DOK6: variants seen among roughly 807,000 people sequenced by gnomAD.
DOK6 encodes downstream of tyrosine kinase 6.
DOK6 carries 22 observed loss-of-function variants against 44.0 expected under a neutral mutation model. That is an observed-to-expected ratio of 0.50 (90% confidence interval 0.36 to 0.71). The LOEUF is 0.71. Ranked by LOEUF, DOK6 falls within the 30% of genes least tolerant of loss-of-function variation. The pLI is 0.00. For synonymous variants in DOK6, 166 were observed against 145.5 expected (o/e 1.14, Z -1.01); for missense variants, 340 against 416.4 (o/e 0.82, Z 1.60).
At chr18:69,697,107 G>C (rs915223979) in intron 4 of DOK6, among the ~76,000 whole-genome samples, 15 of 150,948 alleles carry the variant, frequency 9.9e-5, no homozygotes, top group Non-Finnish European at 2.2e-4. Flanking sequence ...AAGCTATCAT[G>C]GTTATGTTAA....
chr18:69,409,929 C>T (rs771341310), intron 1 of DOK6, among the ~76,000 whole-genome samples: 6 of 152,136 alleles, frequency 3.9e-5, no homozygotes, highest in South Asian at 2.1e-4. Context: ...TTTTAAAGAC[C>T]GTAGGGTAGT....
At chr18:69,502,744 T>C (rs1981079483) in intron 1 of DOK6, among the ~76,000 whole-genome samples, 1 of 152,098 alleles carries the variant, frequency 6.6e-6, no homozygotes, top group African/African-American at 2.4e-5. Flanking sequence ...CGAGATGCCA[T>C]ATATGTATAT....
chr18:69,667,253 T>G (rs1985683445), intron 3 of DOK6, among the ~76,000 whole-genome samples: 1 of 152,220 alleles, frequency 6.6e-6, no homozygotes, highest in African/African-American at 2.4e-5. Flanking sequence ...AAATTCTTGA[T>G]GTCACTTCCC....
rs1487426406 is a variant in DOK6 at position 69,712,321 on chromosome 18, AAAAAAT to A, written c.599+13729_599+13734del. Among the ~76,000 whole-genome samples, 87 of 65,336 alleles carry A rather than the reference AAAAAAT, an allele frequency of 1.3e-3. 17 individuals are homozygous for A. Among genetic ancestry groups the A allele is most frequent in the African/African-American group, 1.8e-3 (28 of 15,500 alleles). The allele number at this position is 65,336 out of a possible 152,430, so 42.9% of individuals were successfully genotyped here. ...AAAAAAAAAAAAAAAAAAAAAAAAA[AAAAAAT>A]TTAACCTTTTCCGAATCACATTTGT... is the stretch of plus-strand genomic sequence containing the variant. On this transcript the variant is annotated intron_variant, in intron 5 of 7. Coordinates refer to ENST00000382713, the MANE Select transcript of DOK6 (RefSeq NM_152721.6).
Position 69,595,874 on chromosome 18 carries a change from C to T in DOK6, c.175-3510C>T, listed in dbSNP as rs140450476. On this transcript the variant is annotated intron_variant, in intron 2 of 7. Transcript: ENST00000382713. ...CTCATATATACTATTCATTCTGTTT[C>T]TCCAGAGAAGCCTAACTAAGACACA... 5.3e-5 allele frequency among the ~76,000 whole-genome samples: 8 copies of T among 152,212 alleles called. No homozygotes were observed. In the East Asian group the frequency reaches 1.5e-3, roughly 29 times the overall value.
At chr18:69,637,099 T>A (rs1984827406) in intron 3 of DOK6, among the ~76,000 whole-genome samples, 1 of 152,128 alleles carries the variant, frequency 6.6e-6, no homozygotes, top group African/African-American at 2.4e-5. Context: ...AGCAGGGAGC[T>A]CCCCAAGCTT....
intron 1 of DOK6, among the ~76,000 whole-genome samples, chr18:69,446,274 TC>T (rs1187872578): frequency 2.0e-5 from 3 of 146,856 alleles, no homozygotes; most frequent in Non-Finnish European, 4.5e-5. Flanking sequence ...TTCTCATTGT[TC>T]AATTCCCACC....
chr18:69,434,095 T>C (rs1180847231), intron 1 of DOK6, among the ~76,000 whole-genome samples: 1 of 152,204 alleles, frequency 6.6e-6, no homozygotes, highest in East Asian at 1.9e-4. Flanking sequence ...AGCATAATTA[T>C]GTGAGGTCAG....
At chr18:69,562,195 T>C (rs1982850042) in intron 1 of DOK6, among the ~76,000 whole-genome samples, 2 of 152,306 alleles carry the variant, frequency 1.3e-5, no homozygotes, top group South Asian at 2.1e-4. Flanking sequence ...TAATGAACAA[T>C]TTACAGGTCT....
intron 7 of DOK6, among the ~76,000 whole-genome samples, chr18:69,777,160 G>T (rs1463820393): frequency 6.6e-6 from 1 of 150,628 alleles, no homozygotes; most frequent in Non-Finnish European, 1.5e-5. Context: ...AAAAAGACAG[G>T]ATAAAAAAGT....
intron 1 of DOK6, among the ~76,000 whole-genome samples, chr18:69,559,490 C>A (rs34083569): frequency 0.18 from 27,095 of 152,084 alleles, 2,959 homozygotes; most frequent in Middle Eastern, 0.35. Context: ...TATTGATAAT[C>A]TCTATACATC....
chr18:69,472,525 C>T (rs1980143174), intron 1 of DOK6, among the ~76,000 whole-genome samples: 1 of 152,164 alleles, frequency 6.6e-6, no homozygotes, highest in Admixed American at 6.5e-5. Context: ...AGGTGGCTTC[C>T]TCCTCCTGCC....
At chr18:69,763,450 A>G (rs879289735) in intron 7 of DOK6, among the ~76,000 whole-genome samples, 4 of 152,206 alleles carry the variant, frequency 2.6e-5, no homozygotes, top group Non-Finnish European at 5.9e-5. Flanking sequence ...AAAGGGATGA[A>G]CATGATTTTA....
At chr18:69,488,139 C>T (rs1228037676) in intron 1 of DOK6, among the ~76,000 whole-genome samples, 4 of 152,136 alleles carry the variant, frequency 2.6e-5, no homozygotes, top group Non-Finnish European at 4.4e-5. Flanking sequence ...GTTTCTATGA[C>T]CTCTTCTTGT....
At chr18:69,643,072 T>C (rs1386226749) in intron 3 of DOK6, among the ~76,000 whole-genome samples, 1 of 152,220 alleles carries the variant, frequency 6.6e-6, no homozygotes, top group African/African-American at 2.4e-5. Flanking sequence ...TATGGCCCTA[T>C]GGATTCTTTT....
intron 3 of DOK6, among the ~76,000 whole-genome samples, chr18:69,620,031 A>G (rs1274369259): frequency 6.6e-6 from 1 of 152,166 alleles, no homozygotes; most frequent in African/African-American, 2.4e-5. Context: ...ATACATAAAC[A>G]AATAATAATA....
At chr18:69,526,796 C>T (rs992103829) in intron 1 of DOK6, among the ~76,000 whole-genome samples, 2 of 152,102 alleles carry the variant, frequency 1.3e-5, no homozygotes, top group Non-Finnish European at 2.9e-5. Context: ...TTGAGAAGAA[C>T]AATAAGTGCT....
chr18:69,746,334 T>G (rs1183099032), intron 6 of DOK6, among the ~76,000 whole-genome samples: 1 of 152,216 alleles, frequency 6.6e-6, no homozygotes, highest in Non-Finnish European at 1.5e-5. Context: ...TGACATGATC[T>G]TGGCTCTCTA....
At chr18:69,574,202 T>A (rs550618442) in intron 2 of DOK6, among the ~76,000 whole-genome samples, 9 of 152,172 alleles carry the variant, frequency 5.9e-5, no homozygotes, top group African/African-American at 2.2e-4. Flanking sequence ...AAAATGAAGA[T>A]GCTCTTCTTG....
Sources: allele counts gnomAD v4.1 joint callset (sites outside exome capture counted in the v4.1 genomes callset), GRCh38; gene constraint gnomAD v4.1.1; transcripts MANE v1.5; gene names NCBI Gene and HGNC (gene_info 2026-07-23, HGNC 2026-07-21).